The following ZFP69 variants were observed in gnomAD, a reference collection of about 807,000 sequenced individuals.
ZFP69 encodes ZFP69 zinc finger protein, also known as zinc finger protein 69 homolog.
A neutral mutation model predicts 48.9 loss-of-function variants in ZFP69; 35 were observed. The ratio of observed to expected loss-of-function variants is 0.72; its 90% CI spans 0.55 to 0.95. The LOEUF is 0.95. ZFP69 is among the 40% of genes least tolerant of loss of function. The pLI, the probability that ZFP69 is intolerant of heterozygous loss-of-function variation, is 0.00. For missense variants in ZFP69, 557 were observed against 638.4 expected (o/e 0.87, Z 1.37); for synonymous variants, 193 against 216.8 (o/e 0.89, Z 0.96).
chr1:40,489,604 G>C lies in ZFP69; in HGVS notation c.422G>C (p.Gly141Ala). 6.2e-7 allele frequency: 1 copy of C among 1,613,586 alleles called. No homozygotes were observed. Among genetic ancestry groups the C allele is most frequent in the Non-Finnish European group, 8.5e-7 (1 of 1,179,862 alleles). The stretch of plus-strand genomic sequence containing the variant: ...GAGCCATGGATGGCAGAGAAAGAAG[G>C]CCCAGGAGATCCCAGTTCAGGTGAG... Reference protein sequence around the residue: ...GEEPWMAEKEGPGDPSSDLKS... With the variant: ...GEEPWMAEKEAPGDPSSDLKS... The change falls in exon 5 of 6, where the codon GGC becomes GCC. Residue 141 changes from glycine (G) to alanine (A), a missense_variant. Coordinates refer to ENST00000372706, the MANE Select transcript of ZFP69 (RefSeq NM_001320179.2).
At position 40,489,204 on chromosome 1, in the gene ZFP69, G is replaced by A; in HGVS notation, c.336G>A (p.Leu112=). 6.2e-7 allele frequency: 1 copy of A among 1,614,040 alleles called. No homozygotes were observed. The highest frequency in any genetic ancestry group is 8.5e-7 in the Non-Finnish European group (1 of 1,179,980). Residue 112 remains leucine (L), a synonymous_variant, in exon 4 of 6, where the codon TTG becomes TTA. Coordinates refer to ENST00000372706, the MANE Select transcript of ZFP69 (RefSeq NM_001320179.2). ...TGATGCTGGAGAACTACAGCAACTTGGTGTCAGTGGGTAAGACTTGGCTAT... is the reference window on the plus strand; with the variant it reads ...TGATGCTGGAGAACTACAGCAACTTAGTGTCAGTGGGTAAGACTTGGCTAT... ...REVMLENYSN[L]VSVGYQLSKP... is the part of the protein sequence containing the mutation.
intron 3 of ZFP69, among the ~76,000 whole-genome samples, chr1:40,487,413 A>AT (rs1472821626): frequency 6.6e-6 from 1 of 152,214 alleles, no homozygotes; most frequent in Non-Finnish European, 1.5e-5. Flanking sequence ...TACATAAAAT[A>AT]TATGTAGGTA....
chr1:40,491,457 A>T (rs1645567220), intron 5 of ZFP69, among the ~76,000 whole-genome samples: 1 of 152,250 alleles, frequency 6.6e-6, no homozygotes, highest in African/African-American at 2.4e-5. Context: ...CAAAGCAGTT[A>T]CACCAGGTTA....
chr1:40,486,757 A>G (rs1276140512), intron 3 of ZFP69, among the ~76,000 whole-genome samples: 1 of 151,610 alleles, frequency 6.6e-6, no homozygotes, highest in Non-Finnish European at 1.5e-5. Context: ...AGACCACTTG[A>G]TATTATCCCA....
intron 5 of ZFP69, among the ~76,000 whole-genome samples, chr1:40,492,570 G>A (rs61781610): frequency 0.46 from 70,483 of 151,994 alleles, 17,593 homozygotes; most frequent in African/African-American, 0.63. Flanking sequence ...GTTCTTTAAA[G>A]TTGTTCTGGT....
intron 3 of ZFP69, among the ~76,000 whole-genome samples, chr1:40,484,191 CTTCT>C (rs1057197414): frequency 5.3e-5 from 8 of 151,790 alleles, no homozygotes; most frequent in African/African-American, 1.9e-4. Context: ...CTTTTCCTGC[CTTCT>C]TTTTGTTTGG....
intron 3 of ZFP69, among the ~76,000 whole-genome samples, chr1:40,483,103 TG>T (rs1259837213): frequency 6.6e-6 from 1 of 151,950 alleles, no homozygotes; most frequent in African/African-American, 2.4e-5. Context: ...GTGGATCAAC[TG>T]GGGGTGGAGT....
intron 5 of ZFP69, among the ~76,000 whole-genome samples, chr1:40,494,223 T>G (rs1218211436): frequency 6.6e-6 from 1 of 151,524 alleles, no homozygotes; most frequent in African/African-American, 2.4e-5. Flanking sequence ...TTTTATTACT[T>G]AGTATTATTA....
chr1:40,479,350 A>G lies in ZFP69; in HGVS notation c.-12A>G, dbSNP rs4076058. 61,984 of 1,613,068 alleles carry G rather than the reference A, an allele frequency of 0.038. 1,613 individuals are homozygous for G. Among genetic ancestry groups the G allele is most frequent in the African/African-American group, 0.11 (8,307 of 74,972 alleles). ...CTCACCAGAAGTGGACAAGTCCAGTAAGGCAGGCATCATGCCACAGCAGCT... is the reference window on the plus strand; with the variant it reads ...CTCACCAGAAGTGGACAAGTCCAGTGAGGCAGGCATCATGCCACAGCAGCT... On this transcript the variant is annotated 5_prime_UTR_variant, in exon 2 of 6. Transcript: ENST00000372706.
At chr1:40,487,509 C>T (rs1467033009) in intron 3 of ZFP69, among the ~76,000 whole-genome samples, 1 of 152,094 alleles carries the variant, frequency 6.6e-6, no homozygotes, top group African/African-American at 2.4e-5. Flanking sequence ...TGTGCACAGA[C>T]TATTCATGGT....
chr1:40,491,928 CG>C (rs1645573444), intron 5 of ZFP69, among the ~76,000 whole-genome samples: 1 of 151,948 alleles, frequency 6.6e-6, no homozygotes, highest in Non-Finnish European at 1.5e-5. Context: ...TTTTGTTAGA[CG>C]TGAGTTTCTA....
intron 5 of ZFP69, among the ~76,000 whole-genome samples, chr1:40,494,256 ATTTTTTTTTTTTTTT>A (rs11286167): frequency 5.8e-5 from 3 of 52,032 alleles, no homozygotes; most frequent in Non-Finnish European, 1.0e-4. Context: ...AAGATTCAAA[ATTTTTTTTTTTTTTT>A]TTTTTTTTTT....
intron 3 of ZFP69, among the ~76,000 whole-genome samples, chr1:40,483,345 T>A (rs1289621711): frequency 8.6e-5 from 13 of 151,490 alleles, no homozygotes; most frequent in Admixed American, 8.6e-4. Flanking sequence ...TTCTCCTGCC[T>A]AAGCCTCCCA....
chr1:40,488,788 C>A (rs1477917588), intron 3 of ZFP69, among the ~76,000 whole-genome samples: 2 of 152,182 alleles, frequency 1.3e-5, no homozygotes, highest in African/African-American at 4.8e-5. Flanking sequence ...ATCCTACCCT[C>A]ACTGTGGTTC....
chr1:40,492,771 A>G (rs1363604091), intron 5 of ZFP69, among the ~76,000 whole-genome samples: 2 of 151,912 alleles, frequency 1.3e-5, no homozygotes, highest in Non-Finnish European at 2.9e-5. Context: ...ATATTTCCTA[A>G]TTTTTTTCAG....
At position 40,479,480 on chromosome 1, in the gene ZFP69, AAGG is replaced by A. The variant is rs568390195; in HGVS notation, c.122_124del (p.Gly41del). 4 of 1,612,698 alleles carry A rather than the reference AAGG, an allele frequency of 2.5e-6. No homozygotes were observed. Among genetic ancestry groups the A allele is most frequent in the African/African-American group, 1.3e-5 (1 of 74,878 alleles). ...TGGGAGGATGTGACTAAAATGTTTG[AAGG>A]AGAAGGTGAGAATGGACTGATGGAG... On this transcript the variant is annotated inframe_deletion, in exon 2 of 6. Coordinates refer to ENST00000372706, the MANE Select transcript of ZFP69 (RefSeq NM_001320179.2).
chr1:40,488,370 T>C (rs186002422), intron 3 of ZFP69, among the ~76,000 whole-genome samples: 1 of 152,338 alleles, frequency 6.6e-6, no homozygotes, highest in African/African-American at 2.4e-5. Flanking sequence ...TTTTTATCTT[T>C]TTGGCATTTG....
At position 40,481,759 on chromosome 1, in the gene ZFP69, C is replaced by T; in HGVS notation, c.128-4C>T. The stretch of plus-strand genomic sequence containing the variant: ...CAAAGCTCATGGCTCTTTTCCTTCC[C>T]CAGCTCTGCTGTCTCAGGATGCTGA... On this transcript the variant is annotated splice_polypyrimidine_tract_variant and splice_region_variant and intron_variant, in intron 2 of 5. Transcript: ENST00000372706. 1 of 1,602,370 alleles carries T rather than the reference C, an allele frequency of 6.2e-7. No individual in the cohort carries two copies. Among genetic ancestry groups the T allele is most frequent in the Non-Finnish European group, 8.5e-7 (1 of 1,172,938 alleles).
chr1:40,479,326 T>G lies in ZFP69; in HGVS notation c.-36T>G. 1.9e-6 allele frequency: 3 copies of G among 1,611,492 alleles called. No homozygotes were observed. Among genetic ancestry groups the G allele is most frequent in the Non-Finnish European group, 2.5e-6 (3 of 1,178,924 alleles). ...TCATCAAGAGCTTCTGGCAATTTCCTCACCAGAAGTGGACAAGTCCAGTAA... is the reference window on the plus strand; with the variant it reads ...TCATCAAGAGCTTCTGGCAATTTCCGCACCAGAAGTGGACAAGTCCAGTAA... On this transcript the variant is annotated 5_prime_UTR_variant, in exon 2 of 6. Coordinates refer to ENST00000372706, the MANE Select transcript of ZFP69 (RefSeq NM_001320179.2).
Sources: allele counts gnomAD v4.1 joint callset (sites outside exome capture counted in the v4.1 genomes callset), GRCh38; gene constraint gnomAD v4.1.1; transcripts MANE v1.5; gene names NCBI Gene and HGNC (gene_info 2026-07-23, HGNC 2026-07-21).